The following RARA variants were observed in gnomAD, a reference collection of about 807,000 sequenced individuals.
RARA encodes PML-DDX5-RARA fusion.
RARA carries 5 observed loss-of-function variants against 42.8 expected under a neutral mutation model. The observed-to-expected ratio is 0.12, with a 90% CI of 0.06 to 0.25. The LOEUF is 0.25. RARA is among the 10% of genes least tolerant of loss of function. RARA has a pLI of 1.00. For synonymous variants in RARA, 256 were observed against 259.5 expected, an observed-to-expected ratio of 0.99 and a Z score of 0.13; for missense variants, 402 against 628.7, an observed-to-expected ratio of 0.64 and a Z score of 3.86.
At chr17:40,324,744 C>T (rs999723220) in intron 1 of RARA, among the ~76,000 whole-genome samples, 10 of 152,168 alleles carry the variant, frequency 6.6e-5, no homozygotes, top group Non-Finnish European at 1.5e-4. Flanking sequence ...AGTGGTAGCA[C>T]CCGGAAGTGA....
intron 2 of RARA, among the ~76,000 whole-genome samples, chr17:40,337,277 G>A (rs2033881979): frequency 6.6e-6 from 1 of 152,228 alleles, no homozygotes; most frequent in African/African-American, 2.4e-5. Context: ...GGTGTGGGAA[G>A]TGTGGGGGGT....
chr17:40,331,197 C>T lies in RARA; in HGVS notation c.-22C>T. ...GCCCCCTGCCAGACTGTCTGCCTCC[C>T]TTCTGACTGTGGCCGCTTGGCATGG... On this transcript the variant is annotated 5_prime_UTR_variant, in exon 2 of 9. Coordinates refer to ENST00000254066, the MANE Select transcript of RARA (RefSeq NM_000964.4). The T allele has an allele frequency of 6.3e-7, 1 of 1,598,070 alleles. No homozygotes were observed. Among genetic ancestry groups the T allele is most frequent in the South Asian group, 1.1e-5 (1 of 89,186 alleles).
chr17:40,312,684 C>T (rs891726540), intron 1 of RARA, among the ~76,000 whole-genome samples: 6 of 152,134 alleles, frequency 3.9e-5, no homozygotes, highest in African/African-American at 9.7e-5. Flanking sequence ...GTAGATGGGC[C>T]GGGCTGGACT....
chr17:40,333,044 TTTTATTTA>T (rs1292771396), intron 2 of RARA, among the ~76,000 whole-genome samples: 5 of 152,302 alleles, frequency 3.3e-5, no homozygotes, highest in Non-Finnish European at 4.4e-5. Context: ...AGGGTTTTAT[TTTTATTTA>T]TTTATTTATT....
chr17:40,313,686 A>T (rs553314287), intron 1 of RARA, among the ~76,000 whole-genome samples: 5 of 152,044 alleles, frequency 3.3e-5, no homozygotes. Flanking sequence ...ACCCTGCCTC[A>T]TGCCACTCAA....
intron 2 of RARA, among the ~76,000 whole-genome samples, chr17:40,338,098 G>T (rs142668281): frequency 6.8e-4 from 103 of 152,358 alleles, no homozygotes; most frequent in African/African-American, 2.2e-3. Context: ...CAGCATAGAC[G>T]CGGGGAGGGA....
intron 1 of RARA, among the ~76,000 whole-genome samples, chr17:40,330,124 A>G (rs1481171878): frequency 6.6e-6 from 1 of 152,122 alleles, no homozygotes; most frequent in Non-Finnish European, 1.5e-5. Context: ...ACCCCAGTTC[A>G]TGTGTTTTGC....
rs1051997085 is a variant in RARA, at chr17:40,345,802, T to C, written c.179-2514T>C. On this transcript the variant is annotated intron_variant, in intron 2 of 8. Coordinates refer to ENST00000254066, the MANE Select transcript of RARA (RefSeq NM_000964.4). This position sits in a 1 kb window ranked among gnomAD's most constrained non-coding sequence, Gnocchi z 4.8. ...CTCCACCTGTGTGTGCAGGGAGTTA[T>C]GGCCGTGTCCTAACTCTTGCAGAGG... Among the ~76,000 whole-genome samples, 4 of 152,196 alleles carry C rather than the reference T, an allele frequency of 2.6e-5. No homozygotes were observed. Among genetic ancestry groups the C allele is most frequent in the African/African-American group, 9.7e-5 (4 of 41,446 alleles).
intron 2 of RARA, among the ~76,000 whole-genome samples, chr17:40,336,179 G>A (rs1009534962): frequency 2.6e-5 from 4 of 152,136 alleles, no homozygotes; most frequent in Non-Finnish European, 5.9e-5. Flanking sequence ...CCAGGTTCAA[G>A]CGATTCTCTT....
At chr17:40,342,417 G>C in intron 2 of RARA, 1 of 1,179,086 alleles carries the variant, frequency 8.5e-7, no homozygotes, top group Non-Finnish European at 1.1e-6. Flanking sequence ...GTCCCCTCGA[G>C]GTGAAGCCGC....
chr17:40,350,198 A>G (rs1567762092), intron 4 of RARA: 4 of 460,006 alleles, frequency 8.7e-6, no homozygotes, highest in South Asian at 4.5e-5. Flanking sequence ...GTGCTTGCGT[A>G]TGTGTGTGTG....
At chr17:40,321,398 C>A (rs893342681) in intron 1 of RARA, among the ~76,000 whole-genome samples, 14 of 152,144 alleles carry the variant, frequency 9.2e-5, no homozygotes, top group African/African-American at 3.1e-4. Flanking sequence ...ACAACTGGAG[C>A]CTCCCTTGCC....
chr17:40,351,973 A>G lies in RARA; in HGVS notation c.533A>G (p.Tyr178Cys), dbSNP rs2034468148. ...EVPKPECSES[Y>C]TLTPEVGELI... is the part of the protein sequence containing the mutation. ...CCCAAGCCCGAGTGCTCTGAGAGCT[A>G]CACGCTGACGCCGGAGGTGGGGGAG... The change falls in exon 5 of 9, where the codon TAC becomes TGC. Residue 178 changes from tyrosine to cysteine, a missense_variant. Tyr to Cys is a radical substitution (Grantham distance 194). Around this residue, in one of 5 missense-constraint regions of RARA, gnomAD observed 130 missense variants for 267.9 expected, o/e 0.49. Transcript: ENST00000254066. This position sits in a 1 kb window ranked among gnomAD's most constrained non-coding sequence, Gnocchi z 4.1. 6.2e-7 allele frequency: 1 copy of G among 1,609,042 alleles called. No homozygotes were observed. Among genetic ancestry groups the G allele is most frequent in the Non-Finnish European group, 8.5e-7 (1 of 1,178,526 alleles).
Position 40,352,286 on chromosome 17 carries a change from G to C in RARA, c.631-45G>C. ...GTGGGGGCTGGAGCCAGGCTGAGAA[G>C]GGGTGCCATGGAGAAGAAGGCCCTC... is the stretch of plus-strand genomic sequence containing the variant. On this transcript the variant is annotated intron_variant, in intron 5 of 8. Coordinates refer to ENST00000254066, the MANE Select transcript of RARA (RefSeq NM_000964.4). This position sits in a 1 kb window ranked among gnomAD's most constrained non-coding sequence, Gnocchi z 4.9. The C allele has an allele frequency of 6.4e-7, 1 of 1,554,864 alleles. No homozygotes were observed.
chr17:40,352,289 G>T lies in RARA; in HGVS notation c.631-42G>T, dbSNP rs1424510917. On this transcript the variant is annotated intron_variant, in intron 5 of 8. Coordinates refer to ENST00000254066, the MANE Select transcript of RARA (RefSeq NM_000964.4). The surrounding 1 kb of genome is among the most constrained non-coding windows in gnomAD (Gnocchi z 4.9). ...GGGGCTGGAGCCAGGCTGAGAAGGG[G>T]TGCCATGGAGAAGAAGGCCCTCACT... 3.8e-6 allele frequency: 6 copies of T among 1,559,074 alleles called. No individual in the cohort carries two copies. Among genetic ancestry groups the T allele is most frequent in the Non-Finnish European group, 5.2e-6 (6 of 1,149,154 alleles).
intron 2 of RARA, among the ~76,000 whole-genome samples, chr17:40,337,745 C>T (rs2033896390): frequency 1.3e-5 from 2 of 152,220 alleles, no homozygotes; most frequent in African/African-American, 2.4e-5. Flanking sequence ...GGGGAATGCC[C>T]GAGGGTCTGG....
At chr17:40,346,045 G>C (rs1278085808) in intron 2 of RARA, among the ~76,000 whole-genome samples, 2 of 152,200 alleles carry the variant, frequency 1.3e-5, no homozygotes, top group Non-Finnish European at 2.9e-5. Context: ...TCAAGCTGCC[G>C]TTGGGTGGGC....
At position 40,355,891 on chromosome 17, in the gene RARA, C is replaced by T; in HGVS notation, c.1172-118C>T. The T allele has an allele frequency of 1.1e-6, 1 of 940,928 alleles. No individual in the cohort carries two copies. The highest frequency in any genetic ancestry group is 1.6e-6 in the Non-Finnish European group (1 of 632,024). 58.3% of individuals were successfully genotyped at this position (940,928 alleles called of 1,614,324 possible). A position where few individuals can be genotyped will look rare whatever the true frequency, so the allele number is the denominator to read the frequency against. On this transcript the variant is annotated intron_variant, in intron 8 of 8. Coordinates refer to ENST00000254066, the MANE Select transcript of RARA (RefSeq NM_000964.4). This position sits in a 1 kb window ranked among gnomAD's most constrained non-coding sequence, Gnocchi z 4.1. ...GCTGGCTCGTGTCAAAGAACTGAATCCCAAGAAAGATGCTAATATCAGCAG... is the reference window on the plus strand; with the variant it reads ...GCTGGCTCGTGTCAAAGAACTGAATTCCAAGAAAGATGCTAATATCAGCAG...
intron 1 of RARA, among the ~76,000 whole-genome samples, chr17:40,312,630 A>T (rs1190827649): frequency 2.0e-5 from 3 of 152,168 alleles, no homozygotes; most frequent in Non-Finnish European, 4.4e-5. Context: ...GCAAGGAGGC[A>T]TGGGGAGCAG....
Sources: gnomAD v4.1 joint callset for allele counts (sites outside exome capture counted in the v4.1 genomes callset) on GRCh38, gnomAD v4.1.1 for gene constraint, gnomAD v4.1.1 regional missense constraint, Gnocchi (gnomAD v3.1) non-coding constraint, MANE v1.5 for transcripts, NCBI Gene and HGNC (gene_info 2026-07-23, HGNC 2026-07-21) for gene names.